Variants in ADGRV1 observed in about 807,000 individuals in gnomAD.
The protein encoded by ADGRV1 is G-protein coupled receptor 98.
Under a neutral mutation model 596.2 loss-of-function variants are expected in ADGRV1, and 359 were observed. The observed-to-expected ratio is 0.60, with a 90% CI of 0.55 to 0.66. ADGRV1 has a LOEUF of 0.66. ADGRV1 is among the 30% of genes least tolerant of loss of function. ADGRV1 has a pLI of 0.00. For synonymous variants in ADGRV1, 2,681 were observed against 2,679.2 expected, an observed-to-expected ratio of 1.00 and a Z score of -0.02; for missense variants, 7,274 against 7,575.6, an observed-to-expected ratio of 0.96 and a Z score of 1.48.
intron 83 of ADGRV1, among the ~76,000 whole-genome samples, chr5:90,914,433 G>A (rs1235631924): frequency 6.6e-6 from 1 of 152,128 alleles, no homozygotes; most frequent in African/African-American, 2.4e-5. Context: ...TTTTTAAAAT[G>A]ATGAAACTGA....
chr5:90,993,085 C>T (rs1781101752), intron 85 of ADGRV1, among the ~76,000 whole-genome samples: 1 of 151,498 alleles, frequency 6.6e-6, no homozygotes, highest in Admixed American at 6.6e-5. Flanking sequence ...CACTATGTCC[C>T]ATTATCTTTA....
intron 70 of ADGRV1, 109 bp downstream of exon 70, chr5:90,791,455 C>G: frequency 1.2e-6 from 1 of 816,312 alleles, no homozygotes; most frequent in Non-Finnish European, 1.9e-6. Context: ...TTAAATGGAA[C>G]CACAAAAAAA....
At chr5:90,959,865 C>T (rs10942620) in intron 83 of ADGRV1, among the ~76,000 whole-genome samples, 14,374 of 152,088 alleles carry the variant, frequency 0.095, 775 homozygotes, top group East Asian at 0.18. Context: ...AGTGTCTGGG[C>T]GCAGTGGCTC....
intron 6 of ADGRV1, chr5:90,626,410 G>C (rs1161319712): frequency 6.6e-6 from 1 of 152,152 alleles, no homozygotes; most frequent in African/African-American, 2.4e-5. Context: ...AAATTTGAAA[G>C]ATCAATCGAA....
At position 90,725,665 on chromosome 5, in the gene ADGRV1, CT is replaced by C; in HGVS notation, c.10161+13del. 2.3e-6 allele frequency: 3 copies of C among 1,328,588 alleles called. No individual in the cohort carries two copies. The highest frequency in any genetic ancestry group is 3.2e-6 in the Non-Finnish European group (3 of 938,498). The allele number at this position is 1,328,588 out of a possible 1,614,324, so 82.3% of individuals were successfully genotyped here. On this transcript the variant is annotated intron_variant, in intron 48 of 89. Coordinates refer to ENST00000405460, the MANE Select transcript of ADGRV1 (RefSeq NM_032119.4). ...ATTCCGAATTAACTCAGGTTTGATT[CT>C]TTTAAAATGAAGTGGGTTTTTTTTT...
intron 86 of ADGRV1, among the ~76,000 whole-genome samples, chr5:91,088,914 A>G (rs1790134154): frequency 6.6e-6 from 1 of 152,180 alleles, no homozygotes; most frequent in African/African-American, 2.4e-5. Context: ...CAAGTATTAG[A>G]CAGCCTCTTT....
chr5:90,644,919 A>G (rs754078747), intron 15 of ADGRV1, 50 bp downstream of exon 15: 1 of 1,221,782 alleles, frequency 8.2e-7, no homozygotes, highest in East Asian at 2.7e-5. Context: ...TTGATCAATA[A>G]TTATTTTTTA....
intron 83 of ADGRV1, among the ~76,000 whole-genome samples, chr5:90,943,737 G>A (rs1490953063): frequency 3.9e-5 from 6 of 152,124 alleles, no homozygotes; most frequent in South Asian, 4.1e-4. Context: ...GCCTTGGCTT[G>A]CAGCTGCAAC....
intron 87 of ADGRV1, among the ~76,000 whole-genome samples, chr5:91,106,188 C>G (rs1352189647): frequency 4.6e-5 from 7 of 152,030 alleles, no homozygotes; most frequent in Non-Finnish European, 1.0e-4. Flanking sequence ...TGTGGACATC[C>G]AGGTTTCCTA....
chr5:90,789,660 ATTG>A, intron 68 of ADGRV1, 39 bp from the exon 69 acceptor site: 1 of 1,238,826 alleles, frequency 8.1e-7, no homozygotes, highest in Non-Finnish European at 1.1e-6. Context: ...TTTCATCCCT[ATTG>A]TTTTATAAAT....
chr5:90,933,819 A>G (rs567436604), intron 83 of ADGRV1, among the ~76,000 whole-genome samples: 1 of 152,244 alleles, frequency 6.6e-6, no homozygotes, highest in African/African-American at 2.4e-5. Context: ...ATATGTGAGG[A>G]ATATAACTAT....
chr5:90,817,973 G>A (rs935808013), intron 75 of ADGRV1, among the ~76,000 whole-genome samples: 1 of 152,038 alleles, frequency 6.6e-6, no homozygotes, highest in South Asian at 2.1e-4. Context: ...AGCTTGATGG[G>A]GATGGCATTG....
chr5:91,145,937 A>C (rs1336581904), intron 87 of ADGRV1, among the ~76,000 whole-genome samples: 1 of 152,160 alleles, frequency 6.6e-6, no homozygotes, highest in Non-Finnish European at 1.5e-5. Flanking sequence ...TGTAATTCTT[A>C]GGTCCTGGGT....
chr5:90,560,255 G>A (rs1396348537), intron 1 of ADGRV1, among the ~76,000 whole-genome samples: 1 of 152,036 alleles, frequency 6.6e-6, no homozygotes, highest in Non-Finnish European at 1.5e-5. Flanking sequence ...ATTACTTTTA[G>A]AAGAAGTAAC....
At chr5:90,782,572 G>A (rs1758965029) in intron 65 of ADGRV1, among the ~76,000 whole-genome samples, 1 of 152,014 alleles carries the variant, frequency 6.6e-6, no homozygotes, top group Non-Finnish European at 1.5e-5. Context: ...TGAAAATAAT[G>A]TTTAAGTTGA....
chr5:90,730,957 G>A (rs1227992135), intron 50 of ADGRV1, among the ~76,000 whole-genome samples: 1 of 152,180 alleles, frequency 6.6e-6, no homozygotes, highest in South Asian at 2.1e-4. Flanking sequence ...GATATTATAT[G>A]TAAGTCAATG....
chr5:91,035,339 G>A (rs553359147), intron 85 of ADGRV1, among the ~76,000 whole-genome samples: 3 of 152,088 alleles, frequency 2.0e-5, no homozygotes, highest in Admixed American at 2.0e-4. Flanking sequence ...ACTTCCCAAT[G>A]GACTATTAAG....
intron 32 of ADGRV1, among the ~76,000 whole-genome samples, chr5:90,693,679 T>G (rs1401845928): frequency 6.6e-6 from 1 of 152,230 alleles, no homozygotes; most frequent in African/African-American, 2.4e-5. Context: ...TGGTTAAAAA[T>G]AAGTGTTGTT....
intron 84 of ADGRV1, among the ~76,000 whole-genome samples, chr5:90,971,343 C>T (rs1311920139): frequency 6.6e-6 from 1 of 152,154 alleles, no homozygotes; most frequent in Non-Finnish European, 1.5e-5. Context: ...TCAGGAAATA[C>T]AGAGAATGCC....
Sources: gnomAD v4.1 joint callset for allele counts (sites outside exome capture counted in the v4.1 genomes callset) on GRCh38, gnomAD v4.1.1 for gene constraint, MANE v1.5 for transcripts, NCBI Gene and HGNC (gene_info 2026-07-23, HGNC 2026-07-21) for gene names.